The following GAS2 variants were observed in gnomAD, a reference collection of about 807,000 sequenced individuals.
The protein encoded by GAS2 is growth arrest specific 2.
A neutral mutation model predicts 37.5 loss-of-function variants in GAS2; 20 were observed. The ratio of observed to expected loss-of-function variants is 0.53; its 90% CI spans 0.37 to 0.77. The LOEUF (loss-of-function observed/expected upper bound fraction) is 0.77. Among genes scored for constraint, GAS2 ranks in the 30% least tolerant of loss-of-function variants. The probability of loss-of-function intolerance (pLI) is 0.00; values close to 1 mark genes in which losing one functional copy is unlikely to be tolerated. For synonymous variants in GAS2, 144 were observed against 132.2 expected (o/e 1.09, Z -0.61); for missense variants, 336 against 373.4 (o/e 0.90, Z 0.82).
intron 4 of GAS2, among the ~76,000 whole-genome samples, chr11:22,734,294 C>T (rs933754190): frequency 6.6e-6 from 1 of 151,716 alleles, no homozygotes; most frequent in Non-Finnish European, 1.5e-5. Flanking sequence ...TTGTACTTAG[C>T]ATCAACTTGT....
chr11:22,651,864 A>G (rs942313376), intron 1 of GAS2, among the ~76,000 whole-genome samples: 2 of 152,062 alleles, frequency 1.3e-5, no homozygotes, highest in Non-Finnish European at 2.9e-5. Context: ...TTTGGTTTGA[A>G]TTTCCTCCCA....
At chr11:22,703,146 C>T (rs1410107935) in intron 3 of GAS2, among the ~76,000 whole-genome samples, 2 of 152,122 alleles carry the variant, frequency 1.3e-5, no homozygotes, top group Non-Finnish European at 2.9e-5. Flanking sequence ...ACGTGATTTC[C>T]TAGCACCAGC....
chr11:22,706,290 C>G (rs931275497), intron 3 of GAS2, among the ~76,000 whole-genome samples: 1 of 151,486 alleles, frequency 6.6e-6, no homozygotes, highest in Non-Finnish European at 1.5e-5. Flanking sequence ...ACCACTTATC[C>G]TAGGGTAGTG....
chr11:22,648,358 G>T (rs1848729777), intron 1 of GAS2, among the ~76,000 whole-genome samples: 1 of 152,244 alleles, frequency 6.6e-6, no homozygotes, highest in Non-Finnish European at 1.5e-5. Flanking sequence ...CAGGTAGTGT[G>T]ATGCCTCTAG....
chr11:22,656,733 C>A (rs186476188), intron 1 of GAS2, among the ~76,000 whole-genome samples: 3 of 152,188 alleles, frequency 2.0e-5, no homozygotes, highest in Admixed American at 2.0e-4. Context: ...TATTACAGTG[C>A]ACATCACACA....
At chr11:22,677,783 A>G (rs1007545326) in intron 2 of GAS2, among the ~76,000 whole-genome samples, 1 of 152,092 alleles carries the variant, frequency 6.6e-6, no homozygotes, top group African/African-American at 2.4e-5. Context: ...GCCCAAAGTC[A>G]CTCAGCTATC....
At chr11:22,772,601 G>A (rs1013615828) in intron 7 of GAS2, among the ~76,000 whole-genome samples, 3 of 152,094 alleles carry the variant, frequency 2.0e-5, no homozygotes, top group Admixed American at 6.5e-5. Flanking sequence ...TGGATTTTAT[G>A]TTGGAGGTTT....
intron 7 of GAS2, among the ~76,000 whole-genome samples, chr11:22,757,090 C>T (rs528379945): frequency 6.6e-6 from 1 of 152,140 alleles, no homozygotes; most frequent in Admixed American, 6.5e-5. Context: ...CAGAGAGAGT[C>T]ATTTGTTTAA....
At chr11:22,758,255 T>A (rs927262552) in intron 7 of GAS2, among the ~76,000 whole-genome samples, 4 of 152,346 alleles carry the variant, frequency 2.6e-5, no homozygotes, top group African/African-American at 9.6e-5. Flanking sequence ...ACATACTAGG[T>A]GAACAACTGC....
intron 4 of GAS2, among the ~76,000 whole-genome samples, chr11:22,728,344 C>T (rs1403846040): frequency 6.6e-6 from 1 of 151,774 alleles, no homozygotes; most frequent in Non-Finnish European, 1.5e-5. Flanking sequence ...CTTTTAAAAG[C>T]CCCATCCAAA....
At chr11:22,806,953 G>A (rs1856928292) in intron 7 of GAS2, among the ~76,000 whole-genome samples, 1 of 152,182 alleles carries the variant, frequency 6.6e-6, no homozygotes, top group Non-Finnish European at 1.5e-5. Flanking sequence ...CTTTGAAGAT[G>A]TAGAAAGTCC....
intron 3 of GAS2, among the ~76,000 whole-genome samples, chr11:22,725,741 A>AT (rs1852173798): frequency 1.3e-5 from 2 of 152,186 alleles, no homozygotes; most frequent in Non-Finnish European, 2.9e-5. Context: ...TCATGACATT[A>AT]TTTTTTAACA....
At chr11:22,788,310 T>A (rs1046861430) in intron 7 of GAS2, among the ~76,000 whole-genome samples, 1 of 152,214 alleles carries the variant, frequency 6.6e-6, no homozygotes, top group African/African-American at 2.4e-5. Flanking sequence ...TCAGTATGAT[T>A]TGACTTCTTC....
intron 7 of GAS2, among the ~76,000 whole-genome samples, chr11:22,768,919 A>G (rs1854832722): frequency 6.6e-6 from 1 of 152,240 alleles, no homozygotes; most frequent in South Asian, 2.1e-4. Flanking sequence ...GAACCATGAC[A>G]TGCAGACAAA....
At chr11:22,790,241 C>T (rs982376088) in intron 7 of GAS2, among the ~76,000 whole-genome samples, 15 of 152,190 alleles carry the variant, frequency 9.9e-5, no homozygotes, top group African/African-American at 3.6e-4. Context: ...CTGGTGCAGT[C>T]AACCCTCTTT....
At chr11:22,791,618 A>G (rs1856167050) in intron 7 of GAS2, among the ~76,000 whole-genome samples, 1 of 152,190 alleles carries the variant, frequency 6.6e-6, no homozygotes, top group South Asian at 2.1e-4. Context: ...TACTAGGGAG[A>G]ATGAATCACA....
At chr11:22,692,461 T>C (rs1429050440) in intron 3 of GAS2, among the ~76,000 whole-genome samples, 3 of 152,172 alleles carry the variant, frequency 2.0e-5, no homozygotes, top group African/African-American at 4.8e-5. Flanking sequence ...CATCAATATA[T>C]GTAAGAAGTA....
intron 7 of GAS2, among the ~76,000 whole-genome samples, chr11:22,807,110 G>A (rs2134679729): frequency 6.8e-6 from 1 of 146,966 alleles, no homozygotes; most frequent in Middle Eastern, 3.4e-3. Context: ...AAACAGAAAA[G>A]CAAAGAAAAA....
Position 22,734,434 on chromosome 11 carries a change from C to A in GAS2, c.410-3271C>A, listed in dbSNP as rs185405754. ...AAAAGATAAACATTTAAAATATACT[C>A]ATTATAATAGAACCAATCTAAATTA... is the stretch of plus-strand genomic sequence containing the variant. On this transcript the variant is annotated intron_variant, in intron 4 of 7. Transcript: ENST00000454584. Among the ~76,000 whole-genome samples, 852 of 151,654 alleles carry A rather than the reference C, an allele frequency of 5.6e-3. 14 individuals carry two copies. The highest frequency in any genetic ancestry group is 0.019 in the African/African-American group (770 of 41,468).
Sources: gnomAD v4.1 joint callset for allele counts (sites outside exome capture counted in the v4.1 genomes callset) on GRCh38, gnomAD v4.1.1 for gene constraint, MANE v1.5 for transcripts, NCBI Gene and HGNC (gene_info 2026-07-23, HGNC 2026-07-21) for gene names.